The following TPTE2 variants were observed in gnomAD, a reference collection of about 807,000 sequenced individuals.
TPTE2 encodes phosphatidylinositol 3,4,5-trisphosphate 3-phosphatase TPTE2.
A neutral mutation model predicts 78.6 loss-of-function variants in TPTE2; 53 were observed. That is an observed-to-expected ratio of 0.67 (90% CI 0.54 to 0.85). The LOEUF is 0.85. Ranked by LOEUF, TPTE2 falls within the 40% of genes least tolerant of loss-of-function variation. TPTE2 has a pLI of 0.00. For synonymous variants in TPTE2, 175 were observed against 206.2 expected (o/e 0.85, Z 1.30); for missense variants, 461 against 623.0 (o/e 0.74, Z 2.77).
At chr13:19,551,833 C>T in the TPTE2 span, among the ~76,000 whole-genome samples, 1 of 152,052 alleles carries the variant, frequency 6.6e-6, no homozygotes, top group East Asian at 1.9e-4. Context: ...ACTACATTTT[C>T]CTAAGACTTA....
At chr13:19,433,530 CA>C (rs1257690135) in intron 15 of TPTE2, among the ~76,000 whole-genome samples, 2 of 152,158 alleles carry the variant, frequency 1.3e-5, no homozygotes, top group East Asian at 3.9e-4. Flanking sequence ...CAAAACAAAG[CA>C]AAACTCATAA....
chr13:19,506,158 A>ATTTTTT (rs1566069858), upstream of TPTE2, among the ~76,000 whole-genome samples: 3 of 23,556 alleles, frequency 1.3e-4, no homozygotes, highest in African/African-American at 2.1e-4. Flanking sequence ...GTGTATATAA[A>ATTTTTT]TCTTTTTTTT....
At chr13:19,485,529 T>G (rs1000979759) in intron 3 of TPTE2, among the ~76,000 whole-genome samples, 1 of 152,128 alleles carries the variant, frequency 6.6e-6, no homozygotes, top group African/African-American at 2.4e-5. Flanking sequence ...GGGTTGAATG[T>G]ATTTGGGGTT....
At chr13:19,518,110 C>A (rs1226606585) in intron 1 of TPTE2, among the ~76,000 whole-genome samples, 2 of 152,112 alleles carry the variant, frequency 1.3e-5, no homozygotes, top group African/African-American at 4.8e-5. Flanking sequence ...CTAAAATAGA[C>A]AAAGTTGATA....
At chr13:19,428,172 G>T (rs1876284910) in intron 17 of TPTE2, among the ~76,000 whole-genome samples, 1 of 152,232 alleles carries the variant, frequency 6.6e-6, no homozygotes, top group South Asian at 2.1e-4. Flanking sequence ...AAATGGGCCA[G>T]GTGCGGTGGC....
intron 10 of TPTE2, among the ~76,000 whole-genome samples, chr13:19,462,990 AT>A (rs563950394): frequency 0.033 from 4,662 of 139,730 alleles, 95 homozygotes; most frequent in Middle Eastern, 0.058. Flanking sequence ...TCTTGATTGT[AT>A]TTTTTTTTTT....
At chr13:19,538,974 T>A (rs1411509817), upstream of TPTE2, among the ~76,000 whole-genome samples, 1 of 152,212 alleles carries the variant, frequency 6.6e-6, no homozygotes, top group Non-Finnish European at 1.5e-5. Context: ...CCATGTCTGG[T>A]GAGAGACTTC....
chr13:19,526,735 TTAAA>T (rs1366485536), intron 1 of TPTE2, among the ~76,000 whole-genome samples: 2 of 112,750 alleles, frequency 1.8e-5, no homozygotes, highest in Non-Finnish European at 3.9e-5. Context: ...TAAAAATTAA[TTAAA>T]TAAAATGTGC....
At chr13:19,458,035 T>C (rs1878654020) in intron 10 of TPTE2, among the ~76,000 whole-genome samples, 1 of 152,066 alleles carries the variant, frequency 6.6e-6, no homozygotes, top group Admixed American at 6.5e-5. Flanking sequence ...ACATAACCAG[T>C]CATATAAATC....
intron 4 of TPTE2, among the ~76,000 whole-genome samples, chr13:19,478,893 G>A (rs1390179241): frequency 2.0e-5 from 3 of 151,960 alleles, no homozygotes; most frequent in African/African-American, 4.8e-5. Flanking sequence ...CATCATTCTC[G>A]CAAACTATCG....
chr13:19,504,421 G>C (rs1868851701), upstream of TPTE2, among the ~76,000 whole-genome samples: 1 of 152,034 alleles, frequency 6.6e-6, no homozygotes, highest in Non-Finnish European at 1.5e-5. Flanking sequence ...TGATGGGTGT[G>C]GGCTTGTAGT....
intron 1 of TPTE2, among the ~76,000 whole-genome samples, chr13:19,527,655 A>G (rs1388848847): frequency 6.6e-6 from 1 of 152,096 alleles, no homozygotes; most frequent in African/African-American, 2.4e-5. Context: ...CAGGCACATC[A>G]CTTGAGCTCA....
intron 16 of TPTE2, among the ~76,000 whole-genome samples, chr13:19,430,901 T>TGGA (rs1166985488): frequency 6.6e-6 from 1 of 152,004 alleles, no homozygotes; most frequent in Non-Finnish European, 1.5e-5. Flanking sequence ...GCGAGGTGGG[T>TGGA]GGATTACTTG....
At chr13:19,476,659 A>G (rs573482809) in intron 4 of TPTE2, among the ~76,000 whole-genome samples, 2 of 152,298 alleles carry the variant, frequency 1.3e-5, no homozygotes, top group Admixed American at 6.5e-5. Context: ...CAAAACCACA[A>G]TGAGATACCA....
At chr13:19,488,644 T>C (rs184437612) in intron 3 of TPTE2, among the ~76,000 whole-genome samples, 26 of 152,340 alleles carry the variant, frequency 1.7e-4, no homozygotes, top group Non-Finnish European at 2.9e-4. Context: ...CCAGGCTTCA[T>C]TGAATCGAAG....
upstream of TPTE2, among the ~76,000 whole-genome samples, chr13:19,503,564 T>C (rs1451188620): frequency 2.6e-5 from 3 of 114,406 alleles, no homozygotes; most frequent in Non-Finnish European, 6.0e-5. Flanking sequence ...GTGGCAGTTA[T>C]TTCAAACTAA....
chr13:19,446,806 T>C (rs1877870145), intron 13 of TPTE2, among the ~76,000 whole-genome samples: 2 of 151,948 alleles, frequency 1.3e-5, no homozygotes, highest in South Asian at 4.2e-4. Flanking sequence ...CCAGGCATGG[T>C]GATGCTCACC....
intron 16 of TPTE2, among the ~76,000 whole-genome samples, chr13:19,431,468 T>C (rs1876596307): frequency 6.6e-6 from 1 of 152,164 alleles, no homozygotes; most frequent in African/African-American, 2.4e-5. Flanking sequence ...TTCCTCTCAA[T>C]TCTACATTAA....
At chr13:19,424,242 T>C (rs1447632565) in intron 19 of TPTE2, among the ~76,000 whole-genome samples, 2 of 152,172 alleles carry the variant, frequency 1.3e-5, no homozygotes, top group African/African-American at 2.4e-5. Flanking sequence ...GTATGGTTGA[T>C]ACAAAAAAAA....
Sources: gnomAD v4.1 joint callset for allele counts (sites outside exome capture counted in the v4.1 genomes callset) on GRCh38, gnomAD v4.1.1 for gene constraint, MANE v1.5 for transcripts, NCBI Gene and HGNC (gene_info 2026-07-23, HGNC 2026-07-21) for gene names.